DAAM2: variants seen among roughly 807,000 people sequenced by gnomAD.
DAAM2 encodes the protein dishevelled associated activator of morphogenesis 2.
DAAM2 carries 39 observed loss-of-function variants against 120.7 expected under a neutral mutation model. The observed-to-expected ratio is 0.32, with a 90% confidence interval of 0.25 to 0.42. The LOEUF (loss-of-function observed/expected upper bound fraction) is 0.42. Among genes scored for constraint, DAAM2 ranks in the 10% least tolerant of loss-of-function variants. The probability of loss-of-function intolerance (pLI) is 1.00; values close to 1 mark genes in which losing one functional copy is unlikely to be tolerated. For missense variants in DAAM2, 1,283 were observed against 1,401.7 expected, an observed-to-expected ratio of 0.92 and a Z score of 1.35; for synonymous variants, 488 against 524.9, an observed-to-expected ratio of 0.93 and a Z score of 0.96.
rs1766488111 is a variant in DAAM2, at chr6:39,901,589, G to A, written c.2982+117G>A. ...GACTGAGGAACTGAGGAACACCATA[G>A]GGGTTGGATGTCAGCCCCAGGAGAG... On this transcript the variant is annotated intron_variant, in intron 24 of 24. Coordinates refer to ENST00000274867, the MANE Select transcript of DAAM2 (RefSeq NM_001201427.2). This position sits in a 1 kb window ranked among gnomAD's most constrained non-coding sequence, Gnocchi z 4.5. The A allele has an allele frequency of 8.3e-7, 1 of 1,203,708 alleles. No homozygotes were observed. Among genetic ancestry groups the A allele is most frequent in the Admixed American group, 2.7e-5 (1 of 37,442 alleles). 74.6% of individuals were successfully genotyped at this position (1,203,708 alleles called of 1,614,324 possible).
chr6:39,869,753 CTTTTTT>C (rs531295826), intron 7 of DAAM2, among the ~76,000 whole-genome samples: 2,401 of 102,014 alleles, frequency 0.024, 91 homozygotes, highest in African/African-American at 0.078. Context: ...CGCCAGCATA[CTTTTTT>C]TTTTTTTTTT....
chr6:39,849,039 C>T (rs905111343), intron 1 of DAAM2: 2 of 152,118 alleles, frequency 1.3e-5, no homozygotes, highest in African/African-American at 2.4e-5. Flanking sequence ...GGAGCCAGTA[C>T]GATATATTAA....
chr6:39,879,643 C>G, intron 14 of DAAM2, 166 bp downstream of exon 14: 1 of 854,858 alleles, frequency 1.2e-6, no homozygotes, highest in South Asian at 1.4e-5. Flanking sequence ...TGCCAGGCAG[C>G]TCACGGTCAG....
At chr6:39,872,003 C>T (rs1220082287) in intron 9 of DAAM2, among the ~76,000 whole-genome samples, 1 of 152,082 alleles carries the variant, frequency 6.6e-6, no homozygotes, top group Non-Finnish European at 1.5e-5. Context: ...GTCCTGGCTC[C>T]AAAAGAGGTA....
At chr6:39,892,877 C>T (rs1025001969) in intron 19 of DAAM2, among the ~76,000 whole-genome samples, 2 of 152,206 alleles carry the variant, frequency 1.3e-5, no homozygotes, top group African/African-American at 2.4e-5. Flanking sequence ...TCACACTACA[C>T]ACACACACAG....
intron 14 of DAAM2, 70 bp from the exon 15 acceptor site, chr6:39,883,892 G>A: frequency 1.0e-6 from 1 of 972,846 alleles, no homozygotes; most frequent in Non-Finnish European, 1.6e-6. Flanking sequence ...AGTGGGGTTA[G>A]GGAGGCATGG....
chr6:39,797,037 G>A (rs954190323), intron 1 of DAAM2, among the ~76,000 whole-genome samples: 1 of 152,186 alleles, frequency 6.6e-6, no homozygotes, highest in Non-Finnish European at 1.5e-5. Flanking sequence ...AACTGTGCTT[G>A]GAGGTCAGAT....
chr6:39,805,557 A>AT (rs35097341), intron 1 of DAAM2, among the ~76,000 whole-genome samples: 3,815 of 142,538 alleles, frequency 0.027, 73 homozygotes, highest in African/African-American at 0.057. Context: ...TCCTAAGGTT[A>AT]TTTTTTTTTT....
At chr6:39,868,620 C>T in intron 6 of DAAM2, 1 of 571,790 alleles carries the variant, frequency 1.7e-6, no homozygotes, top group South Asian at 2.2e-5. Context: ...TGAGGCAGCA[C>T]TGCCACTGAG....
intron 1 of DAAM2, among the ~76,000 whole-genome samples, chr6:39,810,457 C>T (rs1275870635): frequency 6.6e-6 from 1 of 152,192 alleles, no homozygotes; most frequent in Non-Finnish European, 1.5e-5. Context: ...ACTATTGGTG[C>T]TCTTCCCAGA....
chr6:39,858,318 G>T (rs931916878), intron 2 of DAAM2, among the ~76,000 whole-genome samples: 5 of 152,228 alleles, frequency 3.3e-5, no homozygotes, highest in Non-Finnish European at 5.9e-5. Context: ...ACCATTTGGA[G>T]GCTTTTGCCT....
Position 39,897,062 on chromosome 6 carries a change from G to A in DAAM2, c.2510+82G>A, listed in dbSNP as rs1230496695. The stretch of plus-strand genomic sequence containing the variant: ...TCTCACATCCTCCCTCTATTAGGAC[G>A]GGAACATCCTAAGACTCATCACCCC... On this transcript the variant is annotated intron_variant, in intron 20 of 24. Coordinates refer to ENST00000274867, the MANE Select transcript of DAAM2 (RefSeq NM_001201427.2). The A allele has an allele frequency of 4.9e-5, 75 of 1,538,520 alleles. No individual in the cohort carries two copies. In the Admixed American group the frequency reaches 1.1e-3, roughly 24 times the overall value.
intron 14 of DAAM2, among the ~76,000 whole-genome samples, chr6:39,882,584 C>T (rs951368542): frequency 3.3e-5 from 5 of 152,020 alleles, no homozygotes; most frequent in Non-Finnish European, 5.9e-5. Context: ...CTTCAGCCAG[C>T]GCCGTCCCTG....
intron 2 of DAAM2, among the ~76,000 whole-genome samples, chr6:39,857,495 C>T (rs1764053110): frequency 6.6e-6 from 1 of 152,160 alleles, no homozygotes; most frequent in Admixed American, 6.5e-5. Context: ...TCACTGTTTC[C>T]TGATTTTTTA....
chr6:39,885,301 C>T (rs984482529), intron 15 of DAAM2: 1 of 152,286 alleles, frequency 6.6e-6, no homozygotes, highest in Admixed American at 6.5e-5. Context: ...ACCCCATGCC[C>T]ATGTCAGGCT....
rs1202222676 is a variant in DAAM2, at chr6:39,873,501, C to G, written c.1162+146C>G. On this transcript the variant is annotated intron_variant, in intron 10 of 24. Transcript: ENST00000274867. ...GCTTTTGGGAGGGCAGGCCCCATGACGGAGGCCCCTGCTTTTCCTTCCCTC... is the reference window on the plus strand; with the variant it reads ...GCTTTTGGGAGGGCAGGCCCCATGAGGGAGGCCCCTGCTTTTCCTTCCCTC... 3.2e-5 allele frequency: 20 copies of G among 632,074 alleles called. 3 individuals are homozygous for G. The South Asian group carries it at 3.4e-4, about 11-fold the overall frequency. 39.2% of individuals were successfully genotyped at this position (632,074 alleles called of 1,614,324 possible). A position where few individuals can be genotyped will look rare whatever the true frequency, so the allele number is the denominator to read the frequency against.
chr6:39,855,753 C>A (rs970151490), intron 1 of DAAM2, among the ~76,000 whole-genome samples: 2 of 152,224 alleles, frequency 1.3e-5, no homozygotes, highest in Admixed American at 1.3e-4. Flanking sequence ...ATCATTAGCT[C>A]AGTGTTTCCT....
At chr6:39,811,194 T>TGTGTGC (rs1427309325) in intron 1 of DAAM2, among the ~76,000 whole-genome samples, 8 of 151,420 alleles carry the variant, frequency 5.3e-5, no homozygotes, top group Admixed American at 5.3e-4. Context: ...TGTGTGTGTG[T>TGTGTGC]GTGTGTGTGT....
chr6:39,887,566 C>T lies in DAAM2; in HGVS notation c.2034C>T (p.Ala678=), dbSNP rs971335003. Reference sequence around the variant, plus strand: ...TGTCGGTCATTGATGGCCGGAGGGCCCAAAACTGCATCATCCTTCTTTCCA... The same window carrying T: ...TGTCGGTCATTGATGGCCGGAGGGCTCAAAACTGCATCATCCTTCTTTCCA... ...KELSVIDGRR[A]QNCIILLSKL... Residue 678 remains alanine, a synonymous_variant, in exon 16 of 25, where the codon GCC becomes GCT. Coordinates refer to ENST00000274867, the MANE Select transcript of DAAM2 (RefSeq NM_001201427.2). 1.9e-6 allele frequency: 3 copies of T among 1,613,476 alleles called. No homozygotes were observed. Among genetic ancestry groups the T allele is most frequent in the African/African-American group, 2.7e-5 (2 of 74,924 alleles).
Sources: gnomAD v4.1 joint callset for allele counts (sites outside exome capture counted in the v4.1 genomes callset) on GRCh38, gnomAD v4.1.1 for gene constraint, Gnocchi (gnomAD v3.1) non-coding constraint, MANE v1.5 for transcripts, NCBI Gene and HGNC (gene_info 2026-07-23, HGNC 2026-07-21) for gene names.